EXOC4: variants seen among roughly 807,000 people sequenced by gnomAD.
The protein encoded by EXOC4 is SEC8-like 1.
Under a neutral mutation model 107.2 loss-of-function variants are expected in EXOC4, and 71 were observed. The ratio of observed to expected loss-of-function variants is 0.66; its 90% CI spans 0.55 to 0.81. EXOC4 has a LOEUF of 0.81. Ranked by LOEUF, EXOC4 falls within the 30% of genes least tolerant of loss-of-function variation. The pLI is 0.00. For missense variants in EXOC4, 1,108 were observed against 1,189.6 expected, an observed-to-expected ratio of 0.93 and a Z score of 1.01; for synonymous variants, 456 against 441.2, an observed-to-expected ratio of 1.03 and a Z score of -0.42.
At chr7:133,395,109 CTT>C (rs200545904) in intron 7 of EXOC4, among the ~76,000 whole-genome samples, 112 of 130,754 alleles carry the variant, frequency 8.6e-4, no homozygotes, top group Non-Finnish European at 1.1e-3. Flanking sequence ...ATACTTTTGC[CTT>C]TTTTTTTTTT....
intron 10 of EXOC4, among the ~76,000 whole-genome samples, chr7:133,703,164 C>T (rs756148432): frequency 6.6e-6 from 1 of 152,172 alleles, no homozygotes; most frequent in African/African-American, 2.4e-5. Context: ...AACATAGTCA[C>T]AGGTTAGAAG....
intron 2 of EXOC4, among the ~76,000 whole-genome samples, chr7:133,287,497 T>C (rs1214679460): frequency 2.0e-5 from 3 of 152,028 alleles, no homozygotes; most frequent in African/African-American, 4.8e-5. Flanking sequence ...TTTTGTTTAG[T>C]AGAGAGAGGG....
At chr7:133,752,350 A>G (rs1318761263) in intron 10 of EXOC4, among the ~76,000 whole-genome samples, 1 of 152,220 alleles carries the variant, frequency 6.6e-6, no homozygotes, top group Non-Finnish European at 1.5e-5. Context: ...TTGGACTTGC[A>G]ACTGCCTTTG....
chr7:133,808,821 C>T (rs116772546), intron 10 of EXOC4, among the ~76,000 whole-genome samples: 1 of 151,904 alleles, frequency 6.6e-6, no homozygotes, highest in South Asian at 2.1e-4. Context: ...ACTGTGTTCT[C>T]ATAAATAGTC....
chr7:133,711,183 A>G (rs1485436497), intron 10 of EXOC4, among the ~76,000 whole-genome samples: 2 of 152,242 alleles, frequency 1.3e-5, no homozygotes, highest in Non-Finnish European at 2.9e-5. Flanking sequence ...TATTCACCCT[A>G]CATCATCGCT....
chr7:133,529,330 C>A (rs1800136736), intron 9 of EXOC4, among the ~76,000 whole-genome samples: 1 of 152,150 alleles, frequency 6.6e-6, no homozygotes, highest in Admixed American at 6.5e-5. Context: ...CAGATTTTCA[C>A]AATAAACCCC....
intron 3 of EXOC4, among the ~76,000 whole-genome samples, chr7:133,305,501 G>C (rs549385055): frequency 6.6e-6 from 1 of 152,214 alleles, no homozygotes; most frequent in African/African-American, 2.4e-5. Context: ...TAAAGCCTTA[G>C]TTTAAAAAAG....
chr7:133,327,553 C>G (rs1795277649), intron 5 of EXOC4, among the ~76,000 whole-genome samples: 3 of 152,058 alleles, frequency 2.0e-5, no homozygotes, highest in African/African-American at 7.3e-5. Flanking sequence ...TAGATCTTTC[C>G]TGCTTTCTCT....
rs968193462 is a variant in EXOC4, at chr7:133,959,898, G to A, written c.2206+21829G>A. Among the ~76,000 whole-genome samples, 7 of 152,066 alleles carry A rather than the reference G, an allele frequency of 4.6e-5. No homozygotes were observed. The South Asian group carries it at 6.2e-4, about 13-fold the overall frequency. On this transcript the variant is annotated intron_variant, in intron 14 of 17. Coordinates refer to ENST00000253861, the MANE Select transcript of EXOC4 (RefSeq NM_021807.4). ...TTCCATGTAAGGGAAGAATACGGAC[G>A]TTTTCAGACATACAAGTTCTCAGAA... is the stretch of plus-strand genomic sequence containing the variant.
chr7:133,971,495 A>G (rs1765759662), intron 14 of EXOC4, among the ~76,000 whole-genome samples: 1 of 150,630 alleles, frequency 6.6e-6, no homozygotes, highest in South Asian at 2.1e-4. Flanking sequence ...ACATAAATAT[A>G]TTTTTTCTTA....
chr7:133,343,662 C>T (rs1795718633), intron 5 of EXOC4, among the ~76,000 whole-genome samples: 1 of 146,410 alleles, frequency 6.8e-6, no homozygotes, highest in Non-Finnish European at 1.5e-5. Flanking sequence ...CGTGTCTTTT[C>T]TTAGTTTTGG....
At chr7:134,087,155 A>T in the EXOC4 span, among the ~76,000 whole-genome samples, 1 of 152,158 alleles carries the variant, frequency 6.6e-6, no homozygotes, top group African/African-American at 2.4e-5. Flanking sequence ...CTCCACCCTT[A>T]TTCAAGATGG....
chr7:133,371,119 C>T (rs745673067), intron 6 of EXOC4, among the ~76,000 whole-genome samples: 4 of 152,162 alleles, frequency 2.6e-5, no homozygotes, highest in South Asian at 2.1e-4. Context: ...CACAACACCT[C>T]GCTTTTTGAG....
chr7:133,982,520 C>T (rs1794014060), intron 14 of EXOC4, among the ~76,000 whole-genome samples: 1 of 152,130 alleles, frequency 6.6e-6, no homozygotes, highest in Admixed American at 6.5e-5. Context: ...CCACTGCACT[C>T]CAGCTTGGGT....
intron 9 of EXOC4, among the ~76,000 whole-genome samples, chr7:133,524,218 G>GT (rs1373081915): frequency 9.5e-5 from 8 of 84,286 alleles, no homozygotes; most frequent in Non-Finnish European, 1.4e-4. Flanking sequence ...TTTTTCATGT[G>GT]TTTTTTGGCT....
intron 13 of EXOC4, among the ~76,000 whole-genome samples, chr7:133,922,595 C>T (rs1489173867): frequency 6.6e-6 from 1 of 151,962 alleles, no homozygotes; most frequent in African/African-American, 2.4e-5. Context: ...GCCTGTAATC[C>T]CAGCACTTTG....
chr7:133,630,806 A>G (rs1361553815), intron 10 of EXOC4, among the ~76,000 whole-genome samples: 1 of 152,210 alleles, frequency 6.6e-6, no homozygotes, highest in African/African-American at 2.4e-5. Context: ...AGTGAAATCT[A>G]TTCTAATGCT....
At chr7:133,994,978 C>T (rs961701541) in intron 14 of EXOC4, among the ~76,000 whole-genome samples, 26 of 152,092 alleles carry the variant, frequency 1.7e-4, no homozygotes, top group Admixed American at 3.3e-4. Context: ...TCAGTAAGCC[C>T]TGAGGAGTTC....
At chr7:133,257,887 A>AG (rs1470696267) in intron 1 of EXOC4, among the ~76,000 whole-genome samples, 1 of 152,180 alleles carries the variant, frequency 6.6e-6, no homozygotes, top group Non-Finnish European at 1.5e-5. Flanking sequence ...TTCAAAGTAA[A>AG]CTTTGTTGAA....
Sources: allele counts gnomAD v4.1 joint callset (sites outside exome capture counted in the v4.1 genomes callset), GRCh38; gene constraint gnomAD v4.1.1; transcripts MANE v1.5; gene names NCBI Gene and HGNC (gene_info 2026-07-23, HGNC 2026-07-21).